Variants in UGT3A1 observed in about 807,000 individuals in gnomAD.
The protein encoded by UGT3A1 is UDP-glycosyltransferase 3A1.
Under a neutral mutation model 37.6 loss-of-function variants are expected in UGT3A1, and 40 were observed. The ratio of observed to expected loss-of-function variants is 1.06; its 90% confidence interval spans 0.83 to 1.38. The LOEUF (loss-of-function observed/expected upper bound fraction) is 1.38, where lower values mean the gene tolerates loss of function less well. Among genes scored for constraint, UGT3A1 ranks in the 40% most tolerant of loss-of-function variants. The pLI, the probability that UGT3A1 is intolerant of heterozygous loss-of-function variation, is 0.00. For synonymous variants in UGT3A1, 256 were observed against 232.3 expected, an observed-to-expected ratio of 1.10 and a Z score of -0.93; for missense variants, 642 against 634.2, an observed-to-expected ratio of 1.01 and a Z score of -0.13.
At chr5:35,956,863 A>G (rs1415723039) in intron 5 of UGT3A1, among the ~76,000 whole-genome samples, 1 of 152,132 alleles carries the variant, frequency 6.6e-6, no homozygotes, top group African/African-American at 2.4e-5. Context: ...ATTATCTTAG[A>G]TTGTGTTGGG....
intron 4 of UGT3A1, among the ~76,000 whole-genome samples, chr5:35,959,232 A>G (rs1166200231): frequency 6.6e-6 from 1 of 152,230 alleles, no homozygotes; most frequent in East Asian, 1.9e-4. Context: ...CAGACTGCAA[A>G]GACTGACAGA....
rs1037114937 is a variant in UGT3A1, at chr5:35,951,599, G to T, written c.*2603C>A. 6.6e-6 allele frequency: 1 copy of T among 152,110 alleles called. No homozygotes were observed. The highest frequency in any genetic ancestry group is 1.5e-5 in the Non-Finnish European group (1 of 68,006). 9.4% of individuals were successfully genotyped at this position (152,110 alleles called of 1,614,324 possible). A position where few individuals can be genotyped will look rare whatever the true frequency, so the allele number is the denominator to read the frequency against. ...GTTCTTAGTTTATCAGAAATATTAG[G>T]TCTATGTGTAAGATATATGCTGCAG... is the stretch of plus-strand genomic sequence containing the variant. On this transcript the variant is annotated 3_prime_UTR_variant, in exon 7 of 7. Transcript: ENST00000274278.
chr5:35,973,095 C>T (rs182313023), intron 2 of UGT3A1, among the ~76,000 whole-genome samples: 3 of 152,194 alleles, frequency 2.0e-5, no homozygotes, highest in African/African-American at 4.8e-5. Flanking sequence ...GCTATTGAAC[C>T]CCTAACTTCT....
chr5:35,994,864 A>G (rs574454498), upstream of UGT3A1, among the ~76,000 whole-genome samples: 8 of 152,108 alleles, frequency 5.3e-5, no homozygotes, highest in Non-Finnish European at 1.2e-4. Flanking sequence ...CCGGATGGGT[A>G]TTGTGGCAAA....
rs573371234 is a variant in UGT3A1 at position 35,952,715 on chromosome 5, A to G, written c.*1487T>C. The G allele has an allele frequency of 6.6e-6, 1 of 152,298 alleles. No individual in the cohort carries two copies. Among genetic ancestry groups the G allele is most frequent in the African/African-American group, 2.4e-5 (1 of 41,538 alleles). 9.4% of individuals were successfully genotyped at this position (152,298 alleles called of 1,614,324 possible). A position where few individuals can be genotyped will look rare whatever the true frequency, so the allele number is the denominator to read the frequency against. ...GCCCTTCATGGGAGTATGGCCATCAATCAATTCATGTGGTTTCATAAGAAT... is the reference window on the plus strand; with the variant it reads ...GCCCTTCATGGGAGTATGGCCATCAGTCAATTCATGTGGTTTCATAAGAAT... On this transcript the variant is annotated 3_prime_UTR_variant, in exon 7 of 7. Coordinates refer to ENST00000274278, the MANE Select transcript of UGT3A1 (RefSeq NM_152404.4).
chr5:35,992,485 T>C (rs558550183), upstream of UGT3A1, among the ~76,000 whole-genome samples: 11 of 152,210 alleles, frequency 7.2e-5, no homozygotes, highest in African/African-American at 2.4e-4. Context: ...CCTTTTATAA[T>C]GCATTAGCAA....
upstream of UGT3A1, among the ~76,000 whole-genome samples, chr5:35,995,269 ACT>A (rs1002074571): frequency 1.3e-5 from 2 of 151,566 alleles, no homozygotes; most frequent in African/African-American, 4.8e-5. Flanking sequence ...GACTTCAAAG[ACT>A]CCACTCCCTG....
chr5:35,956,193 C>G (rs1471584361), intron 5 of UGT3A1, among the ~76,000 whole-genome samples: 2 of 152,236 alleles, frequency 1.3e-5, no homozygotes, highest in African/African-American at 4.8e-5. Context: ...ACTTCCTGCT[C>G]TCTGTTGCTT....
intron 2 of UGT3A1, among the ~76,000 whole-genome samples, chr5:35,973,805 T>TG (rs1366626302): frequency 6.6e-6 from 1 of 152,112 alleles, no homozygotes; most frequent in Non-Finnish European, 1.5e-5. Context: ...TGGGGTCAAG[T>TG]GGTAGCACTT....
intron 5 of UGT3A1, 37 bp from the exon 6 acceptor site, chr5:35,955,901 A>G (rs75976806): frequency 2.9e-5 from 46 of 1,599,842 alleles, no homozygotes; most frequent in Non-Finnish European, 3.4e-5. Flanking sequence ...ACACTTCAGG[A>G]TGAAAAATTT....
At chr5:35,980,254 AAAG>A (rs1208841371) in intron 2 of UGT3A1, among the ~76,000 whole-genome samples, 2 of 152,220 alleles carry the variant, frequency 1.3e-5, no homozygotes, top group Non-Finnish European at 2.9e-5. Context: ...AACTAAAAAT[AAAG>A]AAGACAGAAT....
In UGT3A1 at chr5:35,968,008, AAAG is replaced by A. The variant is rs1739880988; in HGVS notation, c.311+8_311+10del. The A allele has an allele frequency of 6.3e-7, 1 of 1,594,524 alleles. No individual in the cohort carries two copies. The highest frequency in any genetic ancestry group is 1.3e-5 in the African/African-American group (1 of 74,498). On this transcript the variant is annotated splice_region_variant and intron_variant, in intron 3 of 6. Coordinates refer to ENST00000274278, the MANE Select transcript of UGT3A1 (RefSeq NM_152404.4). The stretch of plus-strand genomic sequence containing the variant: ...AGTGACTCTTTGCTTCATAGAATGA[AAAG>A]AAGTTACCTGCCATCCAATGCTGTT...
At chr5:35,955,311 G>A (rs983923563) in intron 6 of UGT3A1, 2 of 512,606 alleles carry the variant, frequency 3.9e-6, no homozygotes, top group Admixed American at 3.3e-5. Context: ...GAGGTGAGAA[G>A]AGCAGGCACA....
intron 1 of UGT3A1, among the ~76,000 whole-genome samples, chr5:35,990,060 TCAGCCTGGGCGA>T (rs1190221781): frequency 1.3e-5 from 2 of 148,954 alleles, no homozygotes; most frequent in Non-Finnish European, 3.0e-5. Flanking sequence ...CCACTGCACT[TCAGCCTGGGCGA>T]CAGAGCAAGA....
upstream of UGT3A1, among the ~76,000 whole-genome samples, chr5:35,995,651 T>C (rs1261875475): frequency 2.6e-5 from 4 of 151,996 alleles, no homozygotes; most frequent in Non-Finnish European, 5.9e-5. Flanking sequence ...GAAGGCCCAA[T>C]AGAGCCAACA....
chr5:35,967,987 A>T, intron 3 of UGT3A1, 32 bp downstream of exon 3: 1 of 1,516,090 alleles, frequency 6.6e-7, no homozygotes, highest in East Asian at 2.3e-5. Flanking sequence ...TAAAATAGTG[A>T]CTCTTTGCTT....
intron 4 of UGT3A1, chr5:35,962,085 G>A (rs1168549120): frequency 6.6e-6 from 1 of 152,166 alleles, no homozygotes; most frequent in African/African-American, 2.4e-5. Flanking sequence ...GTCGGATAAA[G>A]TTTGCCCCCT....
intron 2 of UGT3A1, among the ~76,000 whole-genome samples, chr5:35,987,071 A>T (rs1430052413): frequency 6.6e-6 from 1 of 152,082 alleles, no homozygotes; most frequent in Non-Finnish European, 1.5e-5. Context: ...GAGTTGGAAA[A>T]ATACTGCGCG....
intron 1 of UGT3A1, among the ~76,000 whole-genome samples, chr5:36,000,350 T>C (rs1435710321): frequency 6.6e-6 from 1 of 152,224 alleles, no homozygotes; most frequent in Non-Finnish European, 1.5e-5. Context: ...AAGAATTCCT[T>C]TTACAGTGTG....
Sources: allele counts gnomAD v4.1 joint callset (sites outside exome capture counted in the v4.1 genomes callset), GRCh38; gene constraint gnomAD v4.1.1; transcripts MANE v1.5; gene names NCBI Gene and HGNC (gene_info 2026-07-23, HGNC 2026-07-21).